ATAD2B: variants seen among roughly 807,000 people sequenced by gnomAD.
ATAD2B encodes the protein ATPase family AAA domain-containing protein 2B.
A neutral mutation model predicts 167.6 loss-of-function variants in ATAD2B; 40 were observed. That is an observed-to-expected ratio of 0.24 (90% confidence interval 0.19 to 0.31). ATAD2B has a LOEUF of 0.31. Among genes scored for constraint, ATAD2B ranks in the 10% least tolerant of loss-of-function variants. The pLI is 1.00. For synonymous variants in ATAD2B, 579 were observed against 596.5 expected, an observed-to-expected ratio of 0.97 and a Z score of 0.43; for missense variants, 1,242 against 1,757.2, an observed-to-expected ratio of 0.71 and a Z score of 5.24.
the ATAD2B span, chr2:23,684,380 T>G: frequency 7.0e-7 from 1 of 1,418,530 alleles, no homozygotes; most frequent in Non-Finnish European, 9.3e-7. The surrounding 1 kb of genome is among the most constrained non-coding windows in gnomAD (Gnocchi z 4.4). Flanking sequence ...TGGCCCTGTC[T>G]GTCTTCTCTG....
chr2:23,882,331 G>A (rs1010191387), intron 6 of ATAD2B, among the ~76,000 whole-genome samples: 16 of 151,880 alleles, frequency 1.1e-4, no homozygotes, highest in Admixed American at 2.6e-4. Context: ...GAGTAGCTGC[G>A]ATTACAGGCG....
intron 18 of ATAD2B, among the ~76,000 whole-genome samples, chr2:23,804,891 C>G (rs1433632147): frequency 3.3e-5 from 5 of 151,990 alleles, no homozygotes; most frequent in African/African-American, 1.2e-4. Context: ...TAGATTACAA[C>G]CAGCACTTTG....
At chr2:23,886,502 AT>A (rs1448817646) in intron 4 of ATAD2B, among the ~76,000 whole-genome samples, 1 of 152,198 alleles carries the variant, frequency 6.6e-6, no homozygotes, top group Non-Finnish European at 1.5e-5. Flanking sequence ...AAATAATTGT[AT>A]AAAATTATTT....
At chr2:23,847,833 A>G (rs1249527844) in intron 13 of ATAD2B, among the ~76,000 whole-genome samples, 1 of 150,976 alleles carries the variant, frequency 6.6e-6, no homozygotes, top group African/African-American at 2.4e-5. Context: ...AAAAAAAAAA[A>G]AATACAAAAA....
intron 1 of ATAD2B, among the ~76,000 whole-genome samples, chr2:23,898,296 G>GT (rs933999759): frequency 2.2e-4 from 34 of 152,260 alleles, no homozygotes; most frequent in African/African-American, 8.2e-4. Flanking sequence ...TGTCTCTAAG[G>GT]GAGGCCACTG....
the ATAD2B span, chr2:23,706,882 T>G: frequency 2.1e-6 from 1 of 471,406 alleles, no homozygotes; most frequent in Non-Finnish European, 3.7e-6. Flanking sequence ...GGAACCACGA[T>G]CCCGCCATGG....
At chr2:23,863,331 A>AAGAAC (rs1225042948) in intron 12 of ATAD2B, 50 bp downstream of exon 12, 12 of 1,506,424 alleles carry the variant, frequency 8.0e-6, no homozygotes, top group African/African-American at 1.4e-5. Context: ...AAAGAAAGAA[A>AAGAAC]AGAACAGAAC....
chr2:23,812,186 TC>T (rs139170554), intron 17 of ATAD2B, among the ~76,000 whole-genome samples: 7,448 of 150,454 alleles, frequency 0.05, 249 homozygotes, highest in Non-Finnish European at 0.073. Context: ...ATCCAAGAAA[TC>T]AACCAAAAAC....
chr2:23,887,837 T>C lies in ATAD2B; in HGVS notation c.567A>G (p.Val189=), dbSNP rs1698917587. ...VNQSLLFDQL[V]NSTAEAVLQE... ...TTAATACTTGGCATTCATACCTATT[T>C]ACTAGTTGATCAAATAACAAACTCT... Residue 189 remains valine (V), a synonymous_variant, in exon 4 of 28, where the codon GTA becomes GTG. Coordinates refer to ENST00000238789, the MANE Select transcript of ATAD2B (RefSeq NM_017552.4). 6.3e-6 allele frequency: 10 copies of C among 1,596,752 alleles called. No homozygotes were observed. Among genetic ancestry groups the C allele is most frequent in the Non-Finnish European group, 8.5e-6 (10 of 1,173,844 alleles).
In ATAD2B at chr2:23,840,341, T is replaced by C. The variant is rs370756239; in HGVS notation, c.1569-6263A>G. 2.0e-5 allele frequency among the ~76,000 whole-genome samples: 3 copies of C among 152,198 alleles called. No homozygotes were observed. The South Asian group carries it at 6.2e-4, about 31-fold the overall frequency. The stretch of plus-strand genomic sequence containing the variant: ...CATTCCTAATACTGCTTATCTGTCT[T>C]CTTCTTATCATGACCAAGCATGCCA... On this transcript the variant is annotated intron_variant, in intron 13 of 27. Transcript: ENST00000238789.
At chr2:23,876,176 T>C (rs530066521) in intron 7 of ATAD2B, among the ~76,000 whole-genome samples, 1 of 151,792 alleles carries the variant, frequency 6.6e-6, no homozygotes, top group Non-Finnish European at 1.5e-5. Context: ...GTATTTTTAG[T>C]AGAGACAGGG....
Position 23,857,731 on chromosome 2 carries a change from C to G in ATAD2B, c.1480-228G>C, listed in dbSNP as rs529274357. ...CTTCCATACATACTTATACACAAAC[C>G]AAAGTGTATTTTTTTTTTTTTTTTT... On this transcript the variant is annotated intron_variant, in intron 12 of 27. Transcript: ENST00000238789. Among the ~76,000 whole-genome samples the G allele has an allele frequency of 7.6e-5, 11 of 144,416 alleles. No individual in the cohort carries two copies. The East Asian group carries it at 2.3e-3, about 30-fold the overall frequency. 94.7% of individuals were successfully genotyped at this position (144,416 alleles called of 152,430 possible).
the ATAD2B span, among the ~76,000 whole-genome samples, chr2:23,684,790 TGCCAGCA>T: frequency 3.9e-5 from 6 of 152,114 alleles, no homozygotes; most frequent in Non-Finnish European, 8.8e-5. This position sits in a 1 kb window ranked among gnomAD's most constrained non-coding sequence, Gnocchi z 4.4. Flanking sequence ...CAGGGGCCTC[TGCCAGCA>T]GTAGACAACA....
chr2:23,803,322 ACAC>A (rs1683795911), intron 18 of ATAD2B, among the ~76,000 whole-genome samples: 1 of 150,418 alleles, frequency 6.6e-6, no homozygotes, highest in Non-Finnish European at 1.5e-5. Context: ...GTACACACAC[ACAC>A]ACACACACAC....
chr2:23,703,703 T>G, the ATAD2B span: 1 of 1,531,416 alleles, frequency 6.5e-7, no homozygotes, highest in Non-Finnish European at 8.7e-7. Flanking sequence ...ACCTGCCTGC[T>G]CTGCTCTCCT....
intron 16 of ATAD2B, among the ~76,000 whole-genome samples, chr2:23,822,079 C>T (rs1469496353): frequency 1.3e-5 from 2 of 152,220 alleles, no homozygotes; most frequent in Non-Finnish European, 2.9e-5. Context: ...CAATACCTTA[C>T]ACTCCTATGA....
At chr2:23,739,199 C>A in the ATAD2B span, among the ~76,000 whole-genome samples, 3 of 152,168 alleles carry the variant, frequency 2.0e-5, no homozygotes, top group African/African-American at 7.2e-5. Flanking sequence ...ACCAAGTGGA[C>A]CTAATAGACA....
At chr2:23,884,949 T>C (rs574129119) in intron 5 of ATAD2B, 76 bp from the exon 6 acceptor site, 4 of 754,668 alleles carry the variant, frequency 5.3e-6, no homozygotes, top group African/African-American at 3.6e-5. Context: ...CAATGGGACA[T>C]ACCTGCTCAA....
At chr2:23,925,775 T>C (rs1704675212) in intron 1 of ATAD2B, among the ~76,000 whole-genome samples, 1 of 152,240 alleles carries the variant, frequency 6.6e-6, no homozygotes, top group Non-Finnish European at 1.5e-5. Context: ...CATTCACCTT[T>C]TGTAATATAG....
Sources: allele counts gnomAD v4.1 joint callset (sites outside exome capture counted in the v4.1 genomes callset), GRCh38; gene constraint gnomAD v4.1.1; non-coding constraint Gnocchi (gnomAD v3.1); transcripts MANE v1.5; gene names NCBI Gene and HGNC (gene_info 2026-07-23, HGNC 2026-07-21).